The following LHFPL2 variants were observed in gnomAD, a reference collection of about 807,000 sequenced individuals.
LHFPL2 encodes the protein LHFPL tetraspan subfamily member 2.
A neutral mutation model predicts 17.5 loss-of-function variants in LHFPL2; 7 were observed. The ratio of observed to expected loss-of-function variants is 0.40; its 90% CI spans 0.23 to 0.75. The LOEUF is 0.75. LHFPL2 is among the 30% of genes least tolerant of loss of function. The pLI, the probability that LHFPL2 is intolerant of heterozygous loss-of-function variation, is 0.37. For missense variants in LHFPL2, 241 were observed against 294.8 expected, an observed-to-expected ratio of 0.82 and a Z score of 1.34; for synonymous variants, 134 against 116.2, an observed-to-expected ratio of 1.15 and a Z score of -0.99.
At chr5:78,565,916 TTTCTTTTTGCACATTTAA>T (rs1756847798) in intron 2 of LHFPL2, among the ~76,000 whole-genome samples, 1 of 152,246 alleles carries the variant, frequency 6.6e-6, no homozygotes, top group Non-Finnish European at 1.5e-5. Flanking sequence ...CAGTTAGCTT[TTTCTTTTTGCACATTTAA>T]AAGTAATTTC....
chr5:78,486,924 G>GTGTT lies in LHFPL2; in HGVS notation c.*1969_*1972dup, dbSNP rs370212370. The GTGTT allele has an allele frequency of 4.4e-4, 67 of 152,272 alleles. 1 individual carries two copies. Among genetic ancestry groups the GTGTT allele is most frequent in the African/African-American group, 1.6e-3 (65 of 41,562 alleles). The allele number at this position is 152,272 out of a possible 1,614,324, so 9.4% of individuals were successfully genotyped here. A position where few individuals can be genotyped will look rare whatever the true frequency, so the allele number is the denominator to read the frequency against. ...TCTGATAAGTTTATGGAAAAATTTT[G>GTGTT]TGTTTTTCATCAAGGTTTGAGACTT... is the stretch of plus-strand genomic sequence containing the variant. On this transcript the variant is annotated 3_prime_UTR_variant, in exon 5 of 5. Transcript: ENST00000380345.
chr5:78,547,558 T>G (rs1756317150), intron 3 of LHFPL2, among the ~76,000 whole-genome samples: 1 of 152,138 alleles, frequency 6.6e-6, no homozygotes, highest in Non-Finnish European at 1.5e-5. Flanking sequence ...CACCAAAATT[T>G]TAAAATAATT....
intron 2 of LHFPL2, among the ~76,000 whole-genome samples, chr5:78,587,775 G>A (rs910633264): frequency 3.9e-5 from 6 of 152,320 alleles, no homozygotes; most frequent in Middle Eastern, 6.8e-3. Flanking sequence ...AGAAAGCGCC[G>A]ATTAGCATTG....
intron 3 of LHFPL2, among the ~76,000 whole-genome samples, chr5:78,537,992 C>A (rs191541498): frequency 2.6e-4 from 40 of 152,300 alleles, no homozygotes; most frequent in Admixed American, 2.2e-3. Flanking sequence ...TTTCTTTGCT[C>A]ACAGTAGATG....
intron 4 of LHFPL2, among the ~76,000 whole-genome samples, chr5:78,503,526 G>T (rs937440191): frequency 6.6e-6 from 1 of 152,096 alleles, no homozygotes; most frequent in Non-Finnish European, 1.5e-5. Context: ...GTGAAACCCC[G>T]TCTCTACTAA....
At chr5:78,562,114 G>A (rs1046020134) in intron 3 of LHFPL2, among the ~76,000 whole-genome samples, 2 of 152,214 alleles carry the variant, frequency 1.3e-5, no homozygotes, top group African/African-American at 4.8e-5. Context: ...CCCAGTGCCA[G>A]GGAACAGGCA....
At chr5:78,620,411 T>C (rs4569851) in intron 2 of LHFPL2, among the ~76,000 whole-genome samples, 2,019 of 152,274 alleles carry the variant, frequency 0.013, 44 homozygotes, top group African/African-American at 0.044. Flanking sequence ...ATTTATTCAA[T>C]CATAGAAAGG....
intron 3 of LHFPL2, among the ~76,000 whole-genome samples, chr5:78,535,119 C>G (rs942319117): frequency 6.6e-6 from 1 of 152,212 alleles, no homozygotes; most frequent in African/African-American, 2.4e-5. Context: ...TCCTCTGAAT[C>G]CCACAAGAGG....
chr5:78,586,739 A>C (rs1743420996), intron 2 of LHFPL2, among the ~76,000 whole-genome samples: 1 of 152,218 alleles, frequency 6.6e-6, no homozygotes, highest in Non-Finnish European at 1.5e-5. Flanking sequence ...AAAAAAAGCC[A>C]ATCCCTAAAT....
chr5:78,605,125 A>C (rs1225269266), intron 2 of LHFPL2, among the ~76,000 whole-genome samples: 1 of 152,202 alleles, frequency 6.6e-6, no homozygotes, highest in Non-Finnish European at 1.5e-5. Flanking sequence ...CTGCAGACTG[A>C]GTGTGTGTTA....
intron 1 of LHFPL2, among the ~76,000 whole-genome samples, chr5:78,638,289 G>T (rs1271658381): frequency 2.0e-5 from 3 of 152,152 alleles, no homozygotes; most frequent in Non-Finnish European, 4.4e-5. Context: ...GGGAGGCGGG[G>T]CTTGCAGTGA....
rs5868927 is a variant in LHFPL2 at position 78,635,999 on chromosome 5, G to GACACACACAC, written c.-349-3641_-349-3632dup. On this transcript the variant is annotated intron_variant, in intron 1 of 4. Coordinates refer to ENST00000380345, the MANE Select transcript of LHFPL2 (RefSeq NM_005779.3). The stretch of plus-strand genomic sequence containing the variant: ...TATTAAAGTTCCCATCACACACACA[G>GACACACACAC]ACACACACACACACACACACGCGCA... 8.4e-3 allele frequency among the ~76,000 whole-genome samples: 1,263 copies of GACACACACAC among 150,874 alleles called. 22 individuals are homozygous for GACACACACAC. Among genetic ancestry groups the GACACACACAC allele is most frequent in the African/African-American group, 0.029 (1,189 of 41,130 alleles).
chr5:78,585,454 C>A (rs1381576237), intron 2 of LHFPL2, among the ~76,000 whole-genome samples: 1 of 152,134 alleles, frequency 6.6e-6, no homozygotes, highest in African/African-American at 2.4e-5. Flanking sequence ...CAATGCCTCG[C>A]CCTGCTTCGG....
chr5:78,514,355 C>CT (rs1484550113), intron 3 of LHFPL2, among the ~76,000 whole-genome samples: 2 of 36,122 alleles, frequency 5.5e-5, no homozygotes, highest in African/African-American at 3.5e-4. Context: ...AGCCTCTTCA[C>CT]TTAAAAAAAA....
chr5:78,601,751 G>A (rs185775152), intron 2 of LHFPL2, among the ~76,000 whole-genome samples: 1 of 152,250 alleles, frequency 6.6e-6, no homozygotes, highest in African/African-American at 2.4e-5. Context: ...AGAAGCCAGA[G>A]GACTTGGAGG....
chr5:78,585,297 G>T lies in LHFPL2; in HGVS notation c.-244-20426C>A, dbSNP rs1430544650. Among the ~76,000 whole-genome samples, 6 of 66,668 alleles carry T rather than the reference G, an allele frequency of 9.0e-5. 1 individual carries two copies. In the East Asian group the frequency reaches 1.3e-3, roughly 14 times the overall value. 43.7% of individuals were successfully genotyped at this position (66,668 alleles called of 152,430 possible). A position where few individuals can be genotyped will look rare whatever the true frequency, so the allele number is the denominator to read the frequency against. ...GCTGGGATTACAGGCGTGAGCCACC[G>T]CGCCCGGCCTGGTGCGCTGTTTTTT... On this transcript the variant is annotated intron_variant, in intron 2 of 4. Transcript: ENST00000380345.
chr5:78,518,306 C>T (rs1755348637), intron 3 of LHFPL2, among the ~76,000 whole-genome samples: 1 of 152,228 alleles, frequency 6.6e-6, no homozygotes. Flanking sequence ...CAGTGGCTCA[C>T]ACCTATAATC....
chr5:78,612,887 A>G (rs1744466857), intron 2 of LHFPL2, among the ~76,000 whole-genome samples: 1 of 152,232 alleles, frequency 6.6e-6, no homozygotes, highest in Non-Finnish European at 1.5e-5. Context: ...GCCAAGCTTC[A>G]TAATGCATTA....
intron 2 of LHFPL2, among the ~76,000 whole-genome samples, chr5:78,579,693 T>G (rs906587255): frequency 1.3e-5 from 2 of 152,194 alleles, no homozygotes; most frequent in Non-Finnish European, 2.9e-5. Context: ...TATGGCTGCA[T>G]AGTATTCCAT....
Sources: gnomAD v4.1 joint callset for allele counts (sites outside exome capture counted in the v4.1 genomes callset) on GRCh38, gnomAD v4.1.1 for gene constraint, MANE v1.5 for transcripts, NCBI Gene and HGNC (gene_info 2026-07-23, HGNC 2026-07-21) for gene names.